The following RALGPS1 variants were observed in gnomAD, a reference collection of about 807,000 sequenced individuals.
RALGPS1 encodes Ral GEF with PH domain and SH3 binding motif 1, also known as ras-specific guanine nucleotide-releasing factor RalGPS1.
Under a neutral mutation model 78.8 loss-of-function variants are expected in RALGPS1, and 19 were observed. The observed-to-expected ratio is 0.24, with a 90% CI of 0.17 to 0.35. The LOEUF (loss-of-function observed/expected upper bound fraction) is 0.35. RALGPS1 is among the 10% of genes least tolerant of loss of function. The pLI is 1.00. For synonymous variants in RALGPS1, 228 were observed against 256.3 expected, an observed-to-expected ratio of 0.89 and a Z score of 1.06; for missense variants, 454 against 688.3, an observed-to-expected ratio of 0.66 and a Z score of 3.81.
chr9:127,173,193 G>A (rs35901201), intron 10 of RALGPS1, among the ~76,000 whole-genome samples: 4,599 of 152,254 alleles, frequency 0.03, 92 homozygotes, highest in Admixed American at 0.048. Flanking sequence ...CCTTCACCTC[G>A]TTGGGGAGCT....
chr9:127,072,234 A>G (rs538557962), intron 8 of RALGPS1, among the ~76,000 whole-genome samples: 1 of 152,200 alleles, frequency 6.6e-6, no homozygotes, highest in East Asian at 1.9e-4. Flanking sequence ...GTTTTTTTAG[A>G]CAGGGTCTGG....
intron 1 of RALGPS1, among the ~76,000 whole-genome samples, chr9:126,953,372 T>C (rs2038038382): frequency 6.9e-6 from 1 of 144,992 alleles, no homozygotes; most frequent in South Asian, 2.5e-4. Context: ...TACACGTGCA[T>C]GCGTGTGTGT....
At chr9:126,918,673 ATT>A (rs74944435) in intron 1 of RALGPS1, among the ~76,000 whole-genome samples, 19 of 132,558 alleles carry the variant, frequency 1.4e-4, no homozygotes, top group Admixed American at 1.5e-4. Flanking sequence ...TCACACATGG[ATT>A]TTTTTTTTTT....
intron 8 of RALGPS1, among the ~76,000 whole-genome samples, chr9:127,160,454 G>A (rs2058957052): frequency 6.6e-6 from 1 of 152,224 alleles, no homozygotes; most frequent in African/African-American, 2.4e-5. Flanking sequence ...CACCACGGCA[G>A]TCTGGTTGGC....
At chr9:127,001,165 G>A (rs2043273206) in intron 4 of RALGPS1, among the ~76,000 whole-genome samples, 1 of 151,536 alleles carries the variant, frequency 6.6e-6, no homozygotes, top group Non-Finnish European at 1.5e-5. Flanking sequence ...GTGCATGCCT[G>A]TCGTCCCAGC....
chr9:127,045,760 C>CAT (rs1490164832), intron 5 of RALGPS1, among the ~76,000 whole-genome samples: 1 of 36,284 alleles, frequency 2.8e-5, no homozygotes, highest in Non-Finnish European at 8.2e-5. Flanking sequence ...CACACACACA[C>CAT]ATACACACAC....
chr9:127,173,962 G>A (rs748575714), intron 10 of RALGPS1, among the ~76,000 whole-genome samples: 2 of 152,078 alleles, frequency 1.3e-5, no homozygotes, highest in South Asian at 2.1e-4. Context: ...GCAGTGAGGC[G>A]AGATCTTGCC....
chr9:127,217,158 T>G, intron 18 of RALGPS1: 1 of 1,261,730 alleles, frequency 7.9e-7, no homozygotes, highest in African/African-American at 1.5e-5. Flanking sequence ...ATGGGTCAGT[T>G]TCATGTATTG....
intron 4 of RALGPS1, among the ~76,000 whole-genome samples, chr9:127,024,501 G>T (rs1437105273): frequency 6.6e-6 from 1 of 151,286 alleles, no homozygotes; most frequent in Non-Finnish European, 1.5e-5. Flanking sequence ...CCTAATTAAT[G>T]AGCTTCACCA....
intron 8 of RALGPS1, among the ~76,000 whole-genome samples, chr9:127,159,841 C>T (rs532681508): frequency 9.2e-5 from 14 of 152,152 alleles, no homozygotes; most frequent in Non-Finnish European, 1.9e-4. Context: ...TGCCAGCACT[C>T]CTGAATACTG....
At chr9:127,180,624 G>A (rs878937136) in intron 11 of RALGPS1, among the ~76,000 whole-genome samples, 6 of 152,216 alleles carry the variant, frequency 3.9e-5, no homozygotes, top group East Asian at 3.8e-4. Context: ...GTGTTAGCTC[G>A]TGGCCTCCCA....
chr9:127,151,896 T>C (rs992634764), intron 8 of RALGPS1, among the ~76,000 whole-genome samples: 24 of 152,130 alleles, frequency 1.6e-4, no homozygotes, highest in African/African-American at 5.8e-4. Flanking sequence ...CCCCTTATGT[T>C]CTTTCTTCCC....
intron 8 of RALGPS1, chr9:127,087,866 C>T (rs969237487): frequency 3.9e-5 from 6 of 152,522 alleles, no homozygotes; most frequent in African/African-American, 1.4e-4. Flanking sequence ...AGATAATTCT[C>T]CTGGCCAGAT....
At chr9:127,089,504 C>T (rs2052193954) in intron 8 of RALGPS1, among the ~76,000 whole-genome samples, 1 of 152,152 alleles carries the variant, frequency 6.6e-6, no homozygotes, top group African/African-American at 2.4e-5. Context: ...AAGGGAACTC[C>T]ACACCTTGTG....
intron 4 of RALGPS1, among the ~76,000 whole-genome samples, chr9:127,012,190 A>G (rs2044409086): frequency 6.6e-6 from 1 of 152,192 alleles, no homozygotes; most frequent in Admixed American, 6.5e-5. Flanking sequence ...CTTTTTCTTC[A>G]GTGGAAAATA....
intron 2 of RALGPS1, among the ~76,000 whole-genome samples, chr9:126,963,935 T>C (rs918293315): frequency 1.3e-5 from 2 of 152,210 alleles, no homozygotes; most frequent in Non-Finnish European, 2.9e-5. Flanking sequence ...GATCTACATA[T>C]GAGACTGGGA....
At chr9:127,077,364 A>G (rs1004935817) in intron 8 of RALGPS1, among the ~76,000 whole-genome samples, 3 of 152,212 alleles carry the variant, frequency 2.0e-5, no homozygotes, top group Admixed American at 6.5e-5. Context: ...GTCAGAGAGT[A>G]TATCCCTTAT....
At position 127,212,210 on chromosome 9, in the gene RALGPS1, C is replaced by T; in HGVS notation, c.1327C>T (p.Leu443=). ...GGAGGGGCCTCTGAGAAGAAAAACC[C>T]TGCTCAAGGAAGGGCGGAAGCCTGC... ...TMEGPLRRKT[L]LKEGRKPALS... Residue 443 remains leucine (L), a synonymous_variant, in exon 15 of 19, where the codon CTG becomes TTG. Coordinates refer to ENST00000259351, the MANE Select transcript of RALGPS1 (RefSeq NM_014636.3). The surrounding 1 kb of genome is among the most constrained non-coding windows in gnomAD (Gnocchi z 6.0). The T allele has an allele frequency of 6.2e-7, 1 of 1,613,832 alleles. No homozygotes were observed.
At chr9:127,114,203 T>C (rs1434748094) in intron 8 of RALGPS1, among the ~76,000 whole-genome samples, 1 of 152,210 alleles carries the variant, frequency 6.6e-6, no homozygotes, top group Non-Finnish European at 1.5e-5. Context: ...ACAACTCACA[T>C]TCATAGTCTT....
Sources: allele counts gnomAD v4.1 joint callset (sites outside exome capture counted in the v4.1 genomes callset), GRCh38; gene constraint gnomAD v4.1.1; non-coding constraint Gnocchi (gnomAD v3.1); transcripts MANE v1.5; gene names NCBI Gene and HGNC (gene_info 2026-07-23, HGNC 2026-07-21).